Variants in NEDD1 observed in about 807,000 individuals in gnomAD.
NEDD1 encodes the protein NEDD1 gamma-tubulin ring complex targeting factor, also known as protein NEDD1.
In NEDD1, 33 loss-of-function variants were observed where a neutral mutation model predicts 74.0. The observed-to-expected ratio is 0.45, with a 90% confidence interval of 0.34 to 0.60. The LOEUF (loss-of-function observed/expected upper bound fraction) is 0.60. Among genes scored for constraint, NEDD1 ranks in the 20% least tolerant of loss-of-function variants. The pLI, the probability that NEDD1 is intolerant of heterozygous loss-of-function variation, is 0.01. For missense variants in NEDD1, 746 were observed against 776.5 expected (o/e 0.96, Z 0.47); for synonymous variants, 250 against 264.4 (o/e 0.95, Z 0.53).
chr12:96,944,522 T>G, intron 12 of NEDD1, 117 bp from the exon 13 acceptor site: 2 of 530,338 alleles, frequency 3.8e-6, no homozygotes, highest in Non-Finnish European at 6.5e-6. Context: ...CTTCCTATTT[T>G]CCTTCATTTC....
At chr12:96,925,001 A>C (rs1875536904) in intron 6 of NEDD1, 5 of 294,096 alleles carry the variant, frequency 1.7e-5, no homozygotes, top group Middle Eastern at 8.1e-4. Context: ...GGCAGATTTT[A>C]CTATTTATGT....
intron 4 of NEDD1, among the ~76,000 whole-genome samples, chr12:96,913,410 G>C (rs1324349820): frequency 6.6e-6 from 1 of 150,742 alleles, no homozygotes; most frequent in East Asian, 1.9e-4. Context: ...GTCTCGCTCT[G>C]TTGCCCAGGC....
At chr12:96,934,901 T>C in intron 6 of NEDD1, 75 bp from the exon 7 acceptor site, 3 of 956,676 alleles carry the variant, frequency 3.1e-6, no homozygotes, top group Non-Finnish European at 5.0e-6. Flanking sequence ...TGGTTGGCCA[T>C]AATTTATATG....
At chr12:96,944,884 C>T in intron 13 of NEDD1, 89 bp downstream of exon 13, 2 of 976,686 alleles carry the variant, frequency 2.0e-6, no homozygotes, top group Non-Finnish European at 3.0e-6. Context: ...ATAGAGTAAT[C>T]ATAGACTAAA....
intron 6 of NEDD1, among the ~76,000 whole-genome samples, chr12:96,921,687 T>G (rs1387092118): frequency 6.7e-6 from 1 of 150,350 alleles, no homozygotes; most frequent in Non-Finnish European, 1.5e-5. Flanking sequence ...TCTTAGAGAG[T>G]CTTACTCTAT....
In NEDD1 at chr12:96,941,619, G is replaced by A. The variant is rs577782785; in HGVS notation, c.1247-958G>A. Among the ~76,000 whole-genome samples the A allele has an allele frequency of 3.9e-5, 6 of 152,194 alleles. No homozygotes were observed. The East Asian group carries it at 7.7e-4, about 20-fold the overall frequency. On this transcript the variant is annotated intron_variant, in intron 10 of 15. Transcript: ENST00000266742. ...GTTTCTGGGATTAGTGCTGAATTGC[G>A]AGTTTTGGCCAGTGAGACTCCTCTG...
intron 2 of NEDD1, among the ~76,000 whole-genome samples, chr12:96,908,141 A>G (rs1873522047): frequency 6.6e-6 from 1 of 152,222 alleles, no homozygotes; most frequent in Non-Finnish European, 1.5e-5. Context: ...CGTGTTACAC[A>G]TGTTTAAGGC....
chr12:96,917,177 C>T (rs955249163), intron 4 of NEDD1, among the ~76,000 whole-genome samples: 1 of 152,066 alleles, frequency 6.6e-6, no homozygotes, highest in African/African-American at 2.4e-5. Flanking sequence ...CTTATCCCAT[C>T]GGTAAAATGA....
At chr12:96,949,133 T>C (rs911603424) in intron 14 of NEDD1, among the ~76,000 whole-genome samples, 1 of 152,146 alleles carries the variant, frequency 6.6e-6, no homozygotes, top group African/African-American at 2.4e-5. Flanking sequence ...CGGTTTCTTC[T>C]CCACACTGTG....
At chr12:96,930,978 T>C (rs2136566327) in intron 6 of NEDD1, among the ~76,000 whole-genome samples, 1 of 152,222 alleles carries the variant, frequency 6.6e-6, no homozygotes, top group South Asian at 2.1e-4. Flanking sequence ...GGTTTGAAGA[T>C]GTTAGTTACT....
chr12:96,941,165 A>G (rs563549887), intron 10 of NEDD1, among the ~76,000 whole-genome samples: 2 of 152,176 alleles, frequency 1.3e-5, no homozygotes, highest in South Asian at 4.1e-4. Flanking sequence ...TAATATATTC[A>G]TACTTTTTGG....
In NEDD1 at chr12:96,936,641, T is replaced by C. The variant is rs760539178; in HGVS notation, c.750T>C (p.Pro250=). 4 of 1,613,830 alleles carry C rather than the reference T, an allele frequency of 2.5e-6. No individual in the cohort carries two copies. Among genetic ancestry groups the C allele is most frequent in the Non-Finnish European group, 3.4e-6 (4 of 1,179,772 alleles). The change falls in exon 8 of 16, where the codon CCT becomes CCC. Residue 250 remains proline (P), a synonymous_variant. Transcript: ENST00000266742. The part of the protein sequence containing the change: ...KLVKTLVADT[P]LTAVDFMPDG... Reference sequence around the variant, plus strand: ...TGAAAACTTTAGTGGCTGACACTCCTCTAACTGCGGTAGATTTCATGCCTG... The same window carrying C: ...TGAAAACTTTAGTGGCTGACACTCCCCTAACTGCGGTAGATTTCATGCCTG...
At chr12:96,917,900 A>G (rs1477669507) in intron 5 of NEDD1, among the ~76,000 whole-genome samples, 163 bp downstream of exon 5, 2 of 152,110 alleles carry the variant, frequency 1.3e-5, no homozygotes, top group African/African-American at 4.8e-5. Context: ...CCAAAAACTT[A>G]TTTTTATGTC....
In NEDD1 at chr12:96,945,793, T is replaced by C. The variant is rs1466678391; in HGVS notation, c.1755T>C (p.Thr585=). Residue 585 remains threonine (T), a synonymous_variant, in exon 14 of 16, where the codon ACT becomes ACC. Coordinates refer to ENST00000266742, the MANE Select transcript of NEDD1 (RefSeq NM_152905.4). ...ATAACCGGCAAAATGCACCATTGACTTCCATTCAAATTCGTTTTATTCAGA... is the reference window on the plus strand; with the variant it reads ...ATAACCGGCAAAATGCACCATTGACCTCCATTCAAATTCGTTTTATTCAGA... ...IGNNRQNAPL[T]SIQIRFIQNM... is the part of the protein sequence containing the mutation. The C allele has an allele frequency of 6.2e-7, 1 of 1,612,486 alleles. No individual in the cohort carries two copies. Among genetic ancestry groups the C allele is most frequent in the Non-Finnish European group, 8.5e-7 (1 of 1,178,584 alleles).
rs1237500775 is a variant in NEDD1 at position 96,934,961 on chromosome 12, C to G, written c.490-15C>G. The stretch of plus-strand genomic sequence containing the variant: ...TGCTTATAATTACATAAAATTTATT[C>G]TTTCATTTTTATAGTCTGTTCGGCA... On this transcript the variant is annotated splice_polypyrimidine_tract_variant and intron_variant, in intron 6 of 15. Transcript: ENST00000266742. 1.1e-5 allele frequency: 16 copies of G among 1,477,474 alleles called. No individual in the cohort carries two copies. The highest frequency in any genetic ancestry group is 1.4e-5 in the Non-Finnish European group (15 of 1,057,268). 91.5% of individuals were successfully genotyped at this position (1,477,474 alleles called of 1,614,324 possible).
intron 14 of NEDD1, among the ~76,000 whole-genome samples, chr12:96,951,182 CTT>C (rs1878671538): frequency 6.6e-6 from 1 of 151,760 alleles, no homozygotes; most frequent in Admixed American, 6.6e-5. Context: ...TAAGTTATTT[CTT>C]TTGTAAAATG....
chr12:96,913,977 C>T (rs1056700833), intron 4 of NEDD1, among the ~76,000 whole-genome samples: 4 of 152,062 alleles, frequency 2.6e-5, no homozygotes, highest in African/African-American at 9.7e-5. Context: ...TCAATCCTCT[C>T]CTAAAGGTAT....
chr12:96,908,724 G>C (rs572055886), intron 2 of NEDD1, among the ~76,000 whole-genome samples: 21 of 152,338 alleles, frequency 1.4e-4, no homozygotes, highest in African/African-American at 4.8e-4. Flanking sequence ...GGAAAAACTG[G>C]TGTGACTGGA....
chr12:96,952,118 A>G lies in NEDD1; in HGVS notation c.*65A>G. 1 of 868,168 alleles carries G rather than the reference A, an allele frequency of 1.2e-6. No homozygotes were observed. The highest frequency in any genetic ancestry group is 1.9e-6 in the Non-Finnish European group (1 of 521,622). 53.8% of individuals were successfully genotyped at this position (868,168 alleles called of 1,614,324 possible). On this transcript the variant is annotated 3_prime_UTR_variant, in exon 16 of 16. Coordinates refer to ENST00000266742, the MANE Select transcript of NEDD1 (RefSeq NM_152905.4). ...TTTCTGGCAACACAGAACTACATAG[A>G]ATCAGTATTGTTTTCATGGCCTCCA...
Sources: allele counts gnomAD v4.1 joint callset (sites outside exome capture counted in the v4.1 genomes callset), GRCh38; gene constraint gnomAD v4.1.1; transcripts MANE v1.5; gene names NCBI Gene and HGNC (gene_info 2026-07-23, HGNC 2026-07-21).